The following ZPBP variants were observed in gnomAD, a reference collection of about 807,000 sequenced individuals.
ZPBP encodes zona pellucida-binding protein 1.
In ZPBP, 26 loss-of-function variants were observed where a neutral mutation model predicts 44.8. The ratio of observed to expected loss-of-function variants is 0.58; its 90% CI spans 0.43 to 0.81. The LOEUF (loss-of-function observed/expected upper bound fraction) is 0.81, where lower values mean the gene tolerates loss of function less well. Ranked by LOEUF, ZPBP falls within the 30% of genes least tolerant of loss-of-function variation. The pLI, the probability that ZPBP is intolerant of heterozygous loss-of-function variation, is 0.00. For missense variants in ZPBP, 409 were observed against 434.0 expected (o/e 0.94, Z 0.51); for synonymous variants, 174 against 153.2 (o/e 1.14, Z -1.00).
chr7:49,856,178 A>C (rs144572163), intron 2 of ZPBP, among the ~76,000 whole-genome samples: 29 of 152,268 alleles, frequency 1.9e-4, no homozygotes, highest in African/African-American at 6.7e-4. Context: ...CTCATGTTGA[A>C]ATGTGATCCC....
At chr7:49,984,108 A>C (rs1020463447) in intron 6 of ZPBP, among the ~76,000 whole-genome samples, 9 of 152,172 alleles carry the variant, frequency 5.9e-5, no homozygotes, top group African/African-American at 2.2e-4. Context: ...TTCAAGTATG[A>C]GGTACGCATA....
rs181367630 is a variant in ZPBP at position 50,081,671 on chromosome 7, T to C, written c.334+103A>G. On this transcript the variant is annotated intron_variant, in intron 3 of 7. Coordinates refer to ENST00000046087, the MANE Select transcript of ZPBP (RefSeq NM_007009.3). ...CAAAAGGAAATCACAAGAAAAAGAA[T>C]TGAGGAAATAACATAAATATGTATG... The C allele has an allele frequency of 7.3e-5, 102 of 1,389,932 alleles. No individual in the cohort carries two copies. The East Asian group carries it at 2.5e-3, about 34-fold the overall frequency. 86.1% of individuals were successfully genotyped at this position (1,389,932 alleles called of 1,614,324 possible).
chr7:50,052,129 T>A (rs1800727725), intron 4 of ZPBP, among the ~76,000 whole-genome samples: 2 of 152,102 alleles, frequency 1.3e-5, no homozygotes, highest in South Asian at 4.1e-4. Flanking sequence ...GCAAACATCC[T>A]GTCAAGAGGA....
downstream of ZPBP, chr7:49,936,211 A>T (rs548114198): frequency 6.6e-6 from 1 of 152,336 alleles, no homozygotes; most frequent in East Asian, 1.9e-4. Context: ...TGTAATGTGA[A>T]TATGTCACTT....
At chr7:50,054,591 T>A (rs1045051160) in intron 4 of ZPBP, among the ~76,000 whole-genome samples, 4 of 152,120 alleles carry the variant, frequency 2.6e-5, no homozygotes, top group Non-Finnish European at 4.4e-5. Flanking sequence ...CTAAAATTTT[T>A]AAAGGTTTTA....
chr7:49,917,745 T>A (rs1370292896), intron 1 of ZPBP: 3 of 152,206 alleles, frequency 2.0e-5, no homozygotes, highest in Admixed American at 6.5e-5. Flanking sequence ...ATGATTAATA[T>A]TTAATGATCA....
At chr7:50,051,613 G>A (rs1170399727) in intron 4 of ZPBP, among the ~76,000 whole-genome samples, 3 of 152,134 alleles carry the variant, frequency 2.0e-5, no homozygotes, top group Non-Finnish European at 4.4e-5. Context: ...CATACACCAT[G>A]AAATACTATG....
intron 1 of ZPBP, chr7:49,915,487 CATAA>C (rs1793667386): frequency 6.6e-6 from 1 of 152,140 alleles, no homozygotes; most frequent in African/African-American, 2.4e-5. Context: ...CGTTCTCCAA[CATAA>C]ATGTTGCATT....
At chr7:50,039,547 T>C (rs1383011888) in intron 4 of ZPBP, among the ~76,000 whole-genome samples, 2 of 152,150 alleles carry the variant, frequency 1.3e-5, no homozygotes, top group African/African-American at 2.4e-5. Context: ...AATTTATATA[T>C]AACATATAAA....
chr7:49,874,225 G>A (rs564710895), intron 2 of ZPBP, among the ~76,000 whole-genome samples: 1 of 152,208 alleles, frequency 6.6e-6, no homozygotes, highest in South Asian at 2.1e-4. Context: ...CCACATTTCG[G>A]TCAACTATAG....
At chr7:49,904,942 G>A (rs975146564) in intron 1 of ZPBP, among the ~76,000 whole-genome samples, 1 of 151,892 alleles carries the variant, frequency 6.6e-6, no homozygotes, top group African/African-American at 2.4e-5. Flanking sequence ...CACCATCTTG[G>A]CCAGGCTGGT....
intron 2 of ZPBP, among the ~76,000 whole-genome samples, chr7:49,876,632 G>A (rs1360941466): frequency 6.6e-6 from 1 of 152,052 alleles, no homozygotes; most frequent in Non-Finnish European, 1.5e-5. Context: ...AGAGATCAAG[G>A]GAAGAATTGC....
intron 5 of ZPBP, among the ~76,000 whole-genome samples, chr7:50,024,748 T>C (rs1799247309): frequency 6.6e-6 from 1 of 151,902 alleles, no homozygotes; most frequent in South Asian, 2.1e-4. Context: ...AGAGATCTGA[T>C]GTTCTGATGT....
At chr7:49,921,362 C>G (rs1327671231) in intron 1 of ZPBP, 1 of 152,182 alleles carries the variant, frequency 6.6e-6, no homozygotes, top group East Asian at 1.9e-4. Context: ...AAACAAAGGC[C>G]AGAGCATCCT....
At chr7:49,942,224 T>C in intron 7 of ZPBP, 1 of 163,862 alleles carries the variant, frequency 6.1e-6, no homozygotes, top group Non-Finnish European at 1.3e-5. Context: ...TATTTTTGTA[T>C]AATACACAAC....
chr7:49,866,263 C>A (rs1464865802), intron 2 of ZPBP, among the ~76,000 whole-genome samples: 1 of 152,204 alleles, frequency 6.6e-6, no homozygotes, highest in Admixed American at 6.5e-5. Context: ...TTTCAAGATC[C>A]TCTAGCTGTC....
At chr7:50,019,747 T>G (rs1335784262) in intron 5 of ZPBP, among the ~76,000 whole-genome samples, 1 of 152,086 alleles carries the variant, frequency 6.6e-6, no homozygotes, top group African/African-American at 2.4e-5. Context: ...TGAGTTGATA[T>G]TATGAGGTAC....
intron 7 of ZPBP, among the ~76,000 whole-genome samples, chr7:49,954,226 C>G (rs182510995): frequency 2.0e-4 from 30 of 152,218 alleles, no homozygotes; most frequent in Admixed American, 1.7e-3. Flanking sequence ...GGTAAAGAGA[C>G]AAGTGGATTT....
chr7:49,850,070 A>C (rs978167202), downstream of ZPBP, among the ~76,000 whole-genome samples: 1 of 152,230 alleles, frequency 6.6e-6, no homozygotes, highest in Non-Finnish European at 1.5e-5. Context: ...GACTAAGCAC[A>C]GTACCACAAC....
Sources: gnomAD v4.1 joint callset for allele counts (sites outside exome capture counted in the v4.1 genomes callset) on GRCh38, gnomAD v4.1.1 for gene constraint, MANE v1.5 for transcripts, NCBI Gene and HGNC (gene_info 2026-07-23, HGNC 2026-07-21) for gene names.